The following PRKCB variants were observed in gnomAD, a reference collection of about 807,000 sequenced individuals.
PRKCB encodes protein kinase C beta type.
PRKCB carries 13 observed loss-of-function variants against 81.5 expected under a neutral mutation model. That is an observed-to-expected ratio of 0.16 (90% CI 0.10 to 0.25). PRKCB has a LOEUF of 0.25. Ranked by LOEUF, PRKCB falls within the 10% of genes least tolerant of loss-of-function variation. The probability of loss-of-function intolerance (pLI) is 1.00; values close to 1 mark genes in which losing one functional copy is unlikely to be tolerated. For synonymous variants in PRKCB, 335 were observed against 321.4 expected (o/e 1.04, Z -0.45); for missense variants, 509 against 875.7 (o/e 0.58, Z 5.29).
In PRKCB at chr16:23,878,315, G is replaced by T. The variant is rs529010912; in HGVS notation, c.205+40909G>T. ...TATTCTGTGTGTGTTTCTGTTTAAAGACACCTTAATATATATTGTTGACTC... is the reference window on the plus strand; with the variant it reads ...TATTCTGTGTGTGTTTCTGTTTAAATACACCTTAATATATATTGTTGACTC... On this transcript the variant is annotated intron_variant, in intron 2 of 16. Coordinates refer to ENST00000643927, the MANE Select transcript of PRKCB (RefSeq NM_002738.7). Among the ~76,000 whole-genome samples the T allele has an allele frequency of 8.0e-4, 122 of 152,250 alleles. 1 individual carries two copies. Among genetic ancestry groups the T allele is most frequent in the African/African-American group, 2.8e-3 (118 of 41,538 alleles).
chr16:24,055,658 T>C (rs1042015143), intron 5 of PRKCB, among the ~76,000 whole-genome samples: 1 of 152,188 alleles, frequency 6.6e-6, no homozygotes, highest in East Asian at 1.9e-4. Flanking sequence ...GGCTTTCAAA[T>C]TGGGGAAAGA....
chr16:24,049,752 G>T (rs1254764336), intron 5 of PRKCB, among the ~76,000 whole-genome samples: 1 of 152,196 alleles, frequency 6.6e-6, no homozygotes, highest in Non-Finnish European at 1.5e-5. Context: ...GAGTGTTCAG[G>T]TTACACTGGA....
Position 24,219,615 on chromosome 16 carries a change from C to A in PRKCB, c.*4799C>A. ...TAACATTAAGCATGGTAATAAGTAG[C>A]TTCCAATTCAATTCATCCTAAAGCC... is the stretch of plus-strand genomic sequence containing the variant. On this transcript the variant is annotated 3_prime_UTR_variant, in exon 17 of 17. Coordinates refer to ENST00000643927, the MANE Select transcript of PRKCB (RefSeq NM_002738.7). 9.6e-7 allele frequency: 1 copy of A among 1,040,746 alleles called. No individual in the cohort carries two copies. 64.5% of individuals were successfully genotyped at this position (1,040,746 alleles called of 1,614,324 possible). A position where few individuals can be genotyped will look rare whatever the true frequency, so the allele number is the denominator to read the frequency against.
chr16:23,955,086 C>T (rs751666177), intron 2 of PRKCB, among the ~76,000 whole-genome samples: 3 of 152,062 alleles, frequency 2.0e-5, no homozygotes, highest in Non-Finnish European at 4.4e-5. Flanking sequence ...AAAAATTACA[C>T]ACAGGTGTGT....
chr16:23,889,116 G>GTCCA (rs60798460), intron 2 of PRKCB, among the ~76,000 whole-genome samples: 6,967 of 147,520 alleles, frequency 0.047, 171 homozygotes, highest in Middle Eastern at 0.061. Flanking sequence ...CTGTTCACTC[G>GTCCA]TCCATCCATC....
intron 12 of PRKCB, among the ~76,000 whole-genome samples, 187 bp from the exon 13 acceptor site, chr16:24,180,603 G>C (rs7189349): frequency 0.07 from 10,658 of 152,138 alleles, 373 homozygotes; most frequent in African/African-American, 0.087. Context: ...AGAAAAGCAC[G>C]GAGGCTTGCG....
At chr16:23,981,588 T>C (rs12921677) in intron 2 of PRKCB, among the ~76,000 whole-genome samples, 2,339 of 56,708 alleles carry the variant, frequency 0.041, 63 homozygotes, top group African/African-American at 0.095. Flanking sequence ...TCCTTTCCTT[T>C]CCTTCCCTTC....
chr16:24,046,943 G>A (rs1271924836), intron 5 of PRKCB, among the ~76,000 whole-genome samples: 3 of 152,166 alleles, frequency 2.0e-5, no homozygotes, highest in Admixed American at 6.5e-5. Flanking sequence ...GGTAGCATGT[G>A]GCTATGGTCC....
chr16:24,085,149 G>GAA (rs11444083), intron 5 of PRKCB, among the ~76,000 whole-genome samples: 1,916 of 138,056 alleles, frequency 0.014, 42 homozygotes, highest in African/African-American at 0.043. Flanking sequence ...TTGATGAAAT[G>GAA]AAAAAAAAAA....
At position 24,190,966 on chromosome 16, in the gene PRKCB, C is replaced by G. The variant is rs1388959834; in HGVS notation, c.1723-124C>G. On this transcript the variant is annotated intron_variant, in intron 15 of 16. Coordinates refer to ENST00000643927, the MANE Select transcript of PRKCB (RefSeq NM_002738.7). ...TTTTGCTGGGATAAAAAGCAAAAAA[C>G]AAAAATGAGTTGAGATTCTTCATTT... 3 of 1,273,820 alleles carry G rather than the reference C, an allele frequency of 2.4e-6. No individual in the cohort carries two copies. In the South Asian group the frequency reaches 4.9e-5, roughly 21 times the overall value. 78.9% of individuals were successfully genotyped at this position (1,273,820 alleles called of 1,614,324 possible).
chr16:24,054,566 C>T (rs1965881809), intron 5 of PRKCB, among the ~76,000 whole-genome samples: 1 of 152,182 alleles, frequency 6.6e-6, no homozygotes, highest in South Asian at 2.1e-4. Flanking sequence ...TTTAGGGATA[C>T]TGGGGAAACC....
chr16:24,059,098 C>T (rs554316837), intron 5 of PRKCB, among the ~76,000 whole-genome samples: 1 of 152,108 alleles, frequency 6.6e-6, no homozygotes, highest in Non-Finnish European at 1.5e-5. Flanking sequence ...AATCATCTTG[C>T]TTTAGTATAT....
intron 7 of PRKCB, among the ~76,000 whole-genome samples, chr16:24,112,077 C>T (rs1050761407): frequency 2.0e-5 from 3 of 152,132 alleles, no homozygotes; most frequent in African/African-American, 4.8e-5. Flanking sequence ...TAAGGGATGC[C>T]GTTTCTCAAA....
At chr16:24,155,771 G>A (rs984917646) in intron 10 of PRKCB, among the ~76,000 whole-genome samples, 2 of 152,092 alleles carry the variant, frequency 1.3e-5, no homozygotes, top group African/African-American at 4.8e-5. Flanking sequence ...TCTTTTATCT[G>A]TTCTATTATC....
At chr16:23,958,543 T>C (rs992736064) in intron 2 of PRKCB, among the ~76,000 whole-genome samples, 15 of 151,890 alleles carry the variant, frequency 9.9e-5, no homozygotes, top group African/African-American at 3.6e-4. Flanking sequence ...GACCTCGTGA[T>C]CCACCCACCT....
chr16:23,943,616 T>G (rs1322641309), intron 2 of PRKCB, among the ~76,000 whole-genome samples: 1 of 152,228 alleles, frequency 6.6e-6, no homozygotes. Flanking sequence ...TATTAATAGC[T>G]CATATAATAT....
chr16:24,040,758 A>C (rs1023825823), intron 5 of PRKCB, among the ~76,000 whole-genome samples: 3 of 152,186 alleles, frequency 2.0e-5, no homozygotes, highest in African/African-American at 7.2e-5. Flanking sequence ...GGATTGTCCA[A>C]TTTATACCAT....
chr16:23,889,814 G>A (rs1413848887), intron 2 of PRKCB, among the ~76,000 whole-genome samples: 1 of 152,120 alleles, frequency 6.6e-6, no homozygotes. Context: ...ATTACTGCAG[G>A]ATAACCCAGT....
chr16:24,151,378 T>C (rs1393788701), intron 9 of PRKCB, among the ~76,000 whole-genome samples: 2 of 152,252 alleles, frequency 1.3e-5, no homozygotes, highest in African/African-American at 2.4e-5. Flanking sequence ...AGTGGTGATA[T>C]AAAGTTTCCT....
Sources: allele counts gnomAD v4.1 joint callset (sites outside exome capture counted in the v4.1 genomes callset), GRCh38; gene constraint gnomAD v4.1.1; transcripts MANE v1.5; gene names NCBI Gene and HGNC (gene_info 2026-07-23, HGNC 2026-07-21).